Variants in NHSL1 observed in about 807,000 individuals in gnomAD.
NHSL1 encodes the protein NHS like 1.
In NHSL1, 48 loss-of-function variants were observed where a neutral mutation model predicts 95.0. The ratio of observed to expected loss-of-function variants is 0.51; its 90% confidence interval spans 0.40 to 0.64. The LOEUF is 0.64. NHSL1 is among the 30% of genes least tolerant of loss of function. The pLI is 0.00. For missense variants in NHSL1, 1,971 were observed against 2,077.7 expected (o/e 0.95, Z 1.00); for synonymous variants, 783 against 833.9 (o/e 0.94, Z 1.05).
At chr6:138,602,455 C>T (rs1283687438) in intron 1 of NHSL1, among the ~76,000 whole-genome samples, 2 of 152,138 alleles carry the variant, frequency 1.3e-5, no homozygotes, top group Non-Finnish European at 2.9e-5. Flanking sequence ...TATTCTCCTG[C>T]CTCAGCCTCC....
chr6:138,685,844 T>A (rs1031722808), intron 1 of NHSL1, among the ~76,000 whole-genome samples: 1 of 152,132 alleles, frequency 6.6e-6, no homozygotes, highest in Non-Finnish European at 1.5e-5. Context: ...TTGAACCCTG[T>A]CTGGATTCAA....
chr6:138,447,256 A>G (rs1347995604), intron 3 of NHSL1, 63 bp from the exon 4 acceptor site: 2 of 1,340,920 alleles, frequency 1.5e-6, no homozygotes, highest in Non-Finnish European at 2.0e-6. Flanking sequence ...ATTTTAAAAT[A>G]TATTTCTTAT....
chr6:138,430,640 C>G lies in NHSL1; in HGVS notation c.3705G>C (p.Glu1235Asp). 2 of 1,551,618 alleles carry G rather than the reference C, an allele frequency of 1.3e-6. No individual in the cohort carries two copies. Among genetic ancestry groups the G allele is most frequent in the South Asian group, 1.2e-5 (1 of 84,058 alleles). The change falls in exon 6 of 8, where the codon GAG becomes GAC. Residue 1235 changes from glutamate (E) to aspartate (D), a missense_variant. Glu to Asp is a conservative substitution (Grantham distance 45). Around this residue, in one of 3 missense-constraint regions of NHSL1, gnomAD observed 1,602 missense variants for 1,654.5 expected, o/e 0.97. Coordinates refer to ENST00000343505, the MANE Select transcript of NHSL1 (RefSeq NM_001144060.2). This position sits in a 1 kb window ranked among gnomAD's most constrained non-coding sequence, Gnocchi z 4.7. ...RAVPSPTTGE[E>D]GSVHSREAKE... ...TTGCCTCCCTGCTGTGCACAGAGCC[C>G]TCCTCTCCCGTCGTGGGGCTGGGCA...
At chr6:138,561,510 C>T (rs976685787) in intron 1 of NHSL1, among the ~76,000 whole-genome samples, 1 of 152,220 alleles carries the variant, frequency 6.6e-6, no homozygotes, top group African/African-American at 2.4e-5. Flanking sequence ...TGAGCTCCCA[C>T]TCTAGGAAAC....
intron 1 of NHSL1, among the ~76,000 whole-genome samples, chr6:138,629,485 C>G (rs866254568): frequency 6.6e-5 from 10 of 152,066 alleles, no homozygotes; most frequent in African/African-American, 2.4e-4. Context: ...CAAGTTCAAG[C>G]AATTCTCCTG....
At chr6:138,627,891 T>C (rs1469532530) in intron 1 of NHSL1, among the ~76,000 whole-genome samples, 1 of 151,586 alleles carries the variant, frequency 6.6e-6, no homozygotes, top group East Asian at 2.0e-4. Flanking sequence ...AAAATAAAAA[T>C]AAAAAAAATT....
At chr6:138,577,329 T>C (rs1206365922), upstream of NHSL1, among the ~76,000 whole-genome samples, 2 of 152,232 alleles carry the variant, frequency 1.3e-5, no homozygotes, top group Non-Finnish European at 2.9e-5. Flanking sequence ...CATCAGTTTT[T>C]TGGCCTCACA....
chr6:138,576,992 A>G (rs1376381181), upstream of NHSL1, among the ~76,000 whole-genome samples: 2 of 152,246 alleles, frequency 1.3e-5, no homozygotes, highest in African/African-American at 4.8e-5. Context: ...TTACTAGAGG[A>G]AGTTCTAGAA....
chr6:138,490,900 G>A (rs1412133401), intron 2 of NHSL1, among the ~76,000 whole-genome samples: 1 of 152,178 alleles, frequency 6.6e-6, no homozygotes, highest in Non-Finnish European at 1.5e-5. Flanking sequence ...CCAAAGTACT[G>A]GGATTATAGG....
intron 1 of NHSL1, among the ~76,000 whole-genome samples, chr6:138,579,673 C>T (rs1012116920): frequency 2.0e-5 from 3 of 152,226 alleles, no homozygotes; most frequent in African/African-American, 7.2e-5. Context: ...ATAATCCACA[C>T]ACAGGCTGGG....
chr6:138,558,421 CTTTTTTT>C (rs78914887), intron 1 of NHSL1, among the ~76,000 whole-genome samples: 3 of 121,960 alleles, frequency 2.5e-5, no homozygotes, highest in African/African-American at 9.2e-5. Flanking sequence ...TGTGCCCACC[CTTTTTTT>C]TTTTTTTTTC....
intron 1 of NHSL1, among the ~76,000 whole-genome samples, chr6:138,611,542 C>T (rs1392157285): frequency 1.3e-5 from 2 of 151,590 alleles, no homozygotes; most frequent in Non-Finnish European, 2.9e-5. Context: ...GTCAGGAGAT[C>T]GAGACCATCC....
chr6:138,639,641 CAA>C (rs1225019773), intron 1 of NHSL1, among the ~76,000 whole-genome samples: 4 of 116,216 alleles, frequency 3.4e-5, no homozygotes, highest in Non-Finnish European at 1.9e-5. Context: ...GACTCCGTCT[CAA>C]AAAAAAAAAA....
At chr6:138,674,045 C>G (rs1485764924) in intron 1 of NHSL1, among the ~76,000 whole-genome samples, 1 of 151,904 alleles carries the variant, frequency 6.6e-6, no homozygotes, top group African/African-American at 2.4e-5. Flanking sequence ...ATTACAGATA[C>G]AAAGCTATAA....
Position 138,476,685 on chromosome 6 carries a change from G to A in NHSL1, c.212-3252C>T, listed in dbSNP as rs114717755. Among the ~76,000 whole-genome samples, 446 of 151,946 alleles carry A rather than the reference G, an allele frequency of 2.9e-3. 3 individuals carry two copies. Among genetic ancestry groups the A allele is most frequent in the African/African-American group, 9.5e-3 (394 of 41,418 alleles). On this transcript the variant is annotated intron_variant, in intron 2 of 7. Coordinates refer to ENST00000343505, the MANE Select transcript of NHSL1 (RefSeq NM_001144060.2). ...TCTACTAAAAATACAAAAATTAGCC[G>A]GGTATAGTGGTGGGTACCTGTAACC...
chr6:138,493,714 G>A (rs1020259729), intron 2 of NHSL1, among the ~76,000 whole-genome samples: 1 of 152,338 alleles, frequency 6.6e-6, no homozygotes, highest in African/African-American at 2.4e-5. Flanking sequence ...GCAATTTGGT[G>A]GAGGAAGGTG....
At chr6:138,510,985 A>G in intron 1 of NHSL1, among the ~76,000 whole-genome samples, 1 of 152,210 alleles carries the variant, frequency 6.6e-6, no homozygotes, top group East Asian at 1.9e-4. Flanking sequence ...TTGGGCACAG[A>G]TGGAAGGGAA....
At chr6:138,686,018 G>C (rs1321111325) in intron 1 of NHSL1, among the ~76,000 whole-genome samples, 2 of 152,074 alleles carry the variant, frequency 1.3e-5, no homozygotes, top group Non-Finnish European at 2.9e-5. Flanking sequence ...TGGTTACCAA[G>C]GGCTGTAGGA....
At chr6:138,446,840 C>T (rs367768748) in intron 4 of NHSL1, 161 bp downstream of exon 4, 3 of 667,678 alleles carry the variant, frequency 4.5e-6, no homozygotes. Context: ...TATATGCACA[C>T]ACATATGTAG....
Sources: allele counts gnomAD v4.1 joint callset (sites outside exome capture counted in the v4.1 genomes callset), GRCh38; gene constraint gnomAD v4.1.1; regional missense constraint gnomAD v4.1.1; non-coding constraint Gnocchi (gnomAD v3.1); transcripts MANE v1.5; gene names NCBI Gene and HGNC (gene_info 2026-07-23, HGNC 2026-07-21).